IFT140: variants seen among roughly 807,000 people sequenced by gnomAD.
IFT140 encodes intraflagellar transport 140, also known as intraflagellar transport protein 140 homolog.
IFT140 carries 133 observed loss-of-function variants against 164.6 expected under a neutral mutation model. That is an observed-to-expected ratio of 0.81 (90% CI 0.70 to 0.93). The LOEUF (loss-of-function observed/expected upper bound fraction) is 0.93, where lower values mean the gene tolerates loss of function less well. Ranked by LOEUF, IFT140 falls within the 40% of genes least tolerant of loss-of-function variation. The pLI is 0.00. For missense variants in IFT140, 2,045 were observed against 1,972.3 expected, an observed-to-expected ratio of 1.04 and a Z score of -0.70; for synonymous variants, 860 against 817.3, an observed-to-expected ratio of 1.05 and a Z score of -0.89.
chr16:1,524,094 T>A, intron 24 of IFT140, 138 bp from the exon 25 acceptor site: 1 of 1,129,648 alleles, frequency 8.9e-7, no homozygotes, highest in Non-Finnish European at 1.2e-6. Context: ...TGATGGGTTT[T>A]AAGGAGCTGA....
rs1374558834 is a variant in IFT140, at chr16:1,592,272, C to T, written c.538G>A (p.Ala180Thr). 1 of 1,614,080 alleles carries T rather than the reference C, an allele frequency of 6.2e-7. No homozygotes were observed. The highest frequency in any genetic ancestry group is 1.3e-5 in the African/African-American group (1 of 74,936). ...TTCTTCCAGTTAAACATGTCCAGGGCTTTCTCATCACCGCTCACAGCTGCC... is the reference window on the plus strand; with the variant it reads ...TTCTTCCAGTTAAACATGTCCAGGGTTTTCTCATCACCGCTCACAGCTGCC... ...AKAAVSGDEK[A>T]LDMFNWKKSS... is the part of the protein sequence containing the mutation. The change falls in exon 6 of 31, where the codon GCC (alanine) becomes ACC (threonine). Residue 180 changes from alanine to threonine, a missense_variant. Ala to Thr is a moderately conservative substitution (Grantham distance 58, BLOSUM62 0). Coordinates refer to ENST00000426508, the MANE Select transcript of IFT140 (RefSeq NM_014714.4).
At chr16:1,545,422 A>G (rs1369487692) in intron 19 of IFT140, among the ~76,000 whole-genome samples, 1 of 152,196 alleles carries the variant, frequency 6.6e-6, no homozygotes, top group Non-Finnish European at 1.5e-5. Context: ...AAGGAAATGC[A>G]TTTTGGCCCT....
At chr16:1,545,668 GGA>G (rs2032110408) in intron 19 of IFT140, among the ~76,000 whole-genome samples, 1 of 152,230 alleles carries the variant, frequency 6.6e-6, no homozygotes, top group African/African-American at 2.4e-5. Context: ...TGGGCAGTGG[GGA>G]GAGAAGATGC....
chr16:1,590,484 G>A (rs977499489), intron 6 of IFT140, among the ~76,000 whole-genome samples: 15 of 152,192 alleles, frequency 9.9e-5, no homozygotes, highest in East Asian at 3.9e-4. Flanking sequence ...CTGCTGTGCC[G>A]CCTGCCTCCT....
chr16:1,590,875 C>T (rs2035144835), intron 6 of IFT140, among the ~76,000 whole-genome samples: 1 of 152,130 alleles, frequency 6.6e-6, no homozygotes, highest in East Asian at 1.9e-4. Flanking sequence ...AAGTGATCCT[C>T]CCAACCAGGC....
chr16:1,562,240 G>C (rs1003037499), intron 17 of IFT140, 124 bp from the exon 18 acceptor site: 2 of 720,802 alleles, frequency 2.8e-6, no homozygotes, highest in Non-Finnish European at 4.1e-6. Flanking sequence ...ACTGCGTCAT[G>C]GTGGGGTCGG....
chr16:1,568,050 T>G (rs1596379293), intron 15 of IFT140, among the ~76,000 whole-genome samples, 167 bp downstream of exon 15: 1 of 151,302 alleles, frequency 6.6e-6, no homozygotes, highest in Non-Finnish European at 1.5e-5. Context: ...CCGGAGAAGG[T>G]GGGAGGGAGA....
intron 19 of IFT140, among the ~76,000 whole-genome samples, chr16:1,549,642 G>A (rs918030035): frequency 6.6e-6 from 1 of 152,114 alleles, no homozygotes; most frequent in African/African-American, 2.4e-5. Flanking sequence ...ATGTTGGCCA[G>A]GCTGGTCTCA....
intron 4 of IFT140, chr16:1,602,132 A>C (rs1245763035): frequency 5.5e-6 from 3 of 545,508 alleles, no homozygotes; most frequent in Admixed American, 3.1e-5. Flanking sequence ...CTGGGCACGT[A>C]TCTTTACGAA....
chr16:1,555,090 G>A, intron 19 of IFT140: 1 of 1,542,486 alleles, frequency 6.5e-7, no homozygotes, highest in Non-Finnish European at 8.7e-7. Flanking sequence ...GAAACCAAGG[G>A]ACTCCACCAC....
intron 19 of IFT140, chr16:1,557,674 T>A: frequency 2.0e-6 from 1 of 496,938 alleles, no homozygotes; most frequent in Non-Finnish European, 3.6e-6. Flanking sequence ...GTATTATAGA[T>A]GTTTAGGAAC....
At chr16:1,593,608 C>T (rs1238231166) in intron 4 of IFT140, among the ~76,000 whole-genome samples, 1 of 152,140 alleles carries the variant, frequency 6.6e-6, no homozygotes, top group African/African-American at 2.4e-5. Context: ...TGTCTTAAGG[C>T]CCTGGACAGT....
intron 20 of IFT140, 96 bp downstream of exon 20, chr16:1,526,523 G>C (rs2040702154): frequency 7.9e-7 from 1 of 1,258,666 alleles, no homozygotes; most frequent in African/African-American, 1.5e-5. Context: ...ATCAGTGCAG[G>C]CTCAGGCCGG....
chr16:1,527,413 C>T lies in IFT140; in HGVS notation c.2400-617G>A, dbSNP rs375470143. Among the ~76,000 whole-genome samples, 5 of 152,288 alleles carry T rather than the reference C, an allele frequency of 3.3e-5. 1 individual carries two copies. The highest frequency in any genetic ancestry group is 4.1e-4 in the South Asian group (2 of 4,826). On this transcript the variant is annotated intron_variant, in intron 19 of 30. Transcript: ENST00000426508. ...AGGGCCCTGGAGGCAGGCCTGCAGA[C>T]GGGCTGACCAGTGGGTCACGGGGGA... is the stretch of plus-strand genomic sequence containing the variant.
At chr16:1,578,474 C>A (rs1474905817) in intron 13 of IFT140, 2 of 151,928 alleles carry the variant, frequency 1.3e-5, no homozygotes, top group East Asian at 3.9e-4. Flanking sequence ...AAAGATATGT[C>A]CACTCAGACC....
intron 11 of IFT140, 133 bp from the exon 12 acceptor site, chr16:1,583,519 A>G: frequency 1.5e-6 from 1 of 663,068 alleles, no homozygotes; most frequent in Non-Finnish European, 2.7e-6. Context: ...CGACTATGAG[A>G]TCACTGGGTC....
chr16:1,592,694 C>T, intron 4 of IFT140, 106 bp from the exon 5 acceptor site: 4 of 1,491,010 alleles, frequency 2.7e-6, no homozygotes, highest in Non-Finnish European at 2.7e-6. Flanking sequence ...GGTGTCCCGG[C>T]AGAGCGACTG....
intron 19 of IFT140, among the ~76,000 whole-genome samples, chr16:1,556,957 G>A (rs1245369636): frequency 1.3e-5 from 2 of 152,046 alleles, no homozygotes; most frequent in African/African-American, 4.8e-5. Context: ...CTTCAGGAAC[G>A]CACCACAACT....
intron 12 of IFT140, among the ~76,000 whole-genome samples, chr16:1,581,762 T>G (rs1199806716): frequency 0.19 from 1,488 of 7,872 alleles, no homozygotes; most frequent in Middle Eastern, 0.5. Flanking sequence ...GAGCGGGGGG[T>G]GGGGAGGGGA....
Sources: gnomAD v4.1 joint callset for allele counts (sites outside exome capture counted in the v4.1 genomes callset) on GRCh38, gnomAD v4.1.1 for gene constraint, MANE v1.5 for transcripts, NCBI Gene and HGNC (gene_info 2026-07-23, HGNC 2026-07-21) for gene names.